NALF1: variants seen among roughly 807,000 people sequenced by gnomAD.
NALF1 encodes family with sequence similarity 155 member A.
In NALF1, 3 loss-of-function variants were observed where a neutral mutation model predicts 48.4. The ratio of observed to expected loss-of-function variants is 0.06; its 90% CI spans 0.03 to 0.16. The LOEUF is 0.16. NALF1 is among the 10% of genes least tolerant of loss of function. The pLI is 1.00. For synonymous variants in NALF1, 262 were observed against 245.7 expected, an observed-to-expected ratio of 1.07 and a Z score of -0.62; for missense variants, 526 against 571.5, an observed-to-expected ratio of 0.92 and a Z score of 0.81.
At chr13:107,833,472 T>C (rs1317456565) in intron 1 of NALF1, among the ~76,000 whole-genome samples, 1 of 152,232 alleles carries the variant, frequency 6.6e-6, no homozygotes, top group Non-Finnish European at 1.5e-5. Context: ...CACTGTTACT[T>C]CTAGCTCTTA....
chr13:107,556,296 T>TATATATATAC (rs1181358439), intron 1 of NALF1, among the ~76,000 whole-genome samples: 1 of 98,580 alleles, frequency 1.0e-5, no homozygotes, highest in Admixed American at 1.2e-4. Context: ...TATATATATA[T>TATATATATAC]ACACACACAC....
At chr13:107,623,565 A>T (rs1341336135) in intron 1 of NALF1, among the ~76,000 whole-genome samples, 1 of 152,220 alleles carries the variant, frequency 6.6e-6, no homozygotes, top group Admixed American at 6.5e-5. Flanking sequence ...AATATAAGTA[A>T]ATGTGCCACA....
intron 1 of NALF1, among the ~76,000 whole-genome samples, chr13:107,631,233 GTAA>G (rs1566422483): frequency 1.3e-5 from 2 of 152,060 alleles, no homozygotes; most frequent in African/African-American, 2.4e-5. Context: ...TAATGCATAA[GTAA>G]TAATAAGACC....
intron 2 of NALF1, among the ~76,000 whole-genome samples, chr13:107,210,034 C>T (rs185865912): frequency 1.3e-5 from 2 of 151,000 alleles, no homozygotes; most frequent in Non-Finnish European, 1.5e-5. Context: ...AAGTAAACAT[C>T]GTTTAATGGA....
At chr13:107,194,602 C>T (rs1437365024) in intron 2 of NALF1, among the ~76,000 whole-genome samples, 1 of 152,176 alleles carries the variant, frequency 6.6e-6, no homozygotes, top group Admixed American at 6.6e-5. Context: ...AAATCTAAAA[C>T]CTGAAACCAC....
intron 1 of NALF1, among the ~76,000 whole-genome samples, chr13:107,746,009 T>C (rs1876770788): frequency 6.6e-6 from 1 of 152,222 alleles, no homozygotes; most frequent in African/African-American, 2.4e-5. Flanking sequence ...GGAATTCCAC[T>C]AACTATGGAG....
chr13:107,768,912 C>T lies in NALF1; in HGVS notation c.915+96770G>A, dbSNP rs1204180925. Among the ~76,000 whole-genome samples, 6 of 151,994 alleles carry T rather than the reference C, an allele frequency of 3.9e-5. 1 individual carries two copies. The highest frequency in any genetic ancestry group is 6.6e-5 in the Admixed American group (1 of 15,250). ...ACAGACACTTCTCAAAAGAAGACAT[C>T]TATGCAGCCAAAAAACACATGAAAA... On this transcript the variant is annotated intron_variant, in intron 1 of 2. Coordinates refer to ENST00000375915, the MANE Select transcript of NALF1 (RefSeq NM_001080396.3).
At chr13:107,717,611 GA>G (rs796709508) in intron 1 of NALF1, among the ~76,000 whole-genome samples, 123 of 133,386 alleles carry the variant, frequency 9.2e-4, no homozygotes, top group Middle Eastern at 3.8e-3. Flanking sequence ...ATCAAGAGGT[GA>G]AAAAAAAAAA....
intron 1 of NALF1, among the ~76,000 whole-genome samples, chr13:107,816,526 C>A (rs1010673460): frequency 6.6e-6 from 1 of 152,066 alleles, no homozygotes; most frequent in African/African-American, 2.4e-5. Context: ...GAGAAATCAG[C>A]CCCACGATTC....
At chr13:107,387,083 G>A (rs963663166) in intron 1 of NALF1, among the ~76,000 whole-genome samples, 11 of 152,070 alleles carry the variant, frequency 7.2e-5, no homozygotes, top group Admixed American at 1.3e-4. Flanking sequence ...AAATAAAGAC[G>A]ACTATGATGG....
intron 1 of NALF1, among the ~76,000 whole-genome samples, chr13:107,322,262 G>C (rs1021057630): frequency 6.6e-6 from 1 of 152,000 alleles, no homozygotes; most frequent in Non-Finnish European, 1.5e-5. Context: ...TACATGTAAC[G>C]TGGATAAATC....
chr13:107,476,036 T>C (rs1444880681), intron 1 of NALF1, among the ~76,000 whole-genome samples: 2 of 152,206 alleles, frequency 1.3e-5, no homozygotes, highest in Non-Finnish European at 2.9e-5. Context: ...TTAAGGTATG[T>C]AAACATCTAT....
At chr13:107,234,477 A>T (rs1880296395) in intron 1 of NALF1, among the ~76,000 whole-genome samples, 2 of 152,198 alleles carry the variant, frequency 1.3e-5, no homozygotes, top group African/African-American at 4.8e-5. Context: ...CATTTTTATA[A>T]ACATCAAAGA....
chr13:107,206,617 T>C (rs1879648908), intron 2 of NALF1, among the ~76,000 whole-genome samples: 1 of 152,210 alleles, frequency 6.6e-6, no homozygotes, highest in Non-Finnish European at 1.5e-5. Context: ...TGATATTCCC[T>C]TTTTTGTGAA....
intron 1 of NALF1, among the ~76,000 whole-genome samples, chr13:107,358,690 C>A (rs1037096121): frequency 1.3e-5 from 2 of 152,082 alleles, no homozygotes. Flanking sequence ...ATGGATGACC[C>A]CTGAATCACT....
At chr13:107,613,427 T>C (rs1594161580) in intron 1 of NALF1, among the ~76,000 whole-genome samples, 1 of 152,194 alleles carries the variant, frequency 6.6e-6, no homozygotes, top group East Asian at 1.9e-4. Context: ...CTGCAGACTG[T>C]GGTCAACAGT....
chr13:107,791,988 T>C (rs1320100445), intron 1 of NALF1, among the ~76,000 whole-genome samples: 1 of 152,090 alleles, frequency 6.6e-6, no homozygotes, highest in Non-Finnish European at 1.5e-5. Flanking sequence ...CTCTACAAAT[T>C]TGCTATGTTT....
chr13:107,831,246 C>T (rs1398256488), intron 1 of NALF1, among the ~76,000 whole-genome samples: 1 of 152,090 alleles, frequency 6.6e-6, no homozygotes, highest in East Asian at 1.9e-4. Context: ...ACGATTTGAC[C>T]TCTGGATTAC....
At chr13:107,438,853 AAT>A (rs1450557072) in intron 1 of NALF1, among the ~76,000 whole-genome samples, 80 of 129,046 alleles carry the variant, frequency 6.2e-4, no homozygotes, top group South Asian at 1.4e-3. Context: ...AAAAAAAAAG[AAT>A]AATATAAAGG....
Sources: gnomAD v4.1 joint callset for allele counts (sites outside exome capture counted in the v4.1 genomes callset) on GRCh38, gnomAD v4.1.1 for gene constraint, MANE v1.5 for transcripts, NCBI Gene and HGNC (gene_info 2026-07-23, HGNC 2026-07-21) for gene names.